AGRN: variants seen among roughly 807,000 people sequenced by gnomAD.
The protein encoded by AGRN is agrin proteoglycan.
Under a neutral mutation model 211.0 loss-of-function variants are expected in AGRN, and 106 were observed. The observed-to-expected ratio is 0.50, with a 90% CI of 0.43 to 0.59. The LOEUF (loss-of-function observed/expected upper bound fraction) is 0.59. Ranked by LOEUF, AGRN falls within the 20% of genes least tolerant of loss-of-function variation. AGRN has a pLI of 0.00. For missense variants in AGRN, 3,040 were observed against 2,982.6 expected (o/e 1.02, Z -0.45); for synonymous variants, 1,525 against 1,332.5 (o/e 1.14, Z -3.15).
intron 32 of AGRN, 39 bp from the exon 33 acceptor site, chr1:1,051,689 G>A: frequency 6.2e-7 from 1 of 1,613,128 alleles, no homozygotes; most frequent in Non-Finnish European, 8.5e-7. Context: ...GATGGGCCCG[G>A]AGCCCACGAG....
At position 1,049,778 on chromosome 1, in the gene AGRN, G is replaced by C. The variant is rs751960529; in HGVS notation, c.4727G>C (p.Cys1576Ser). Residue 1576 changes from cysteine to serine, a missense_variant, in exon 26 of 36, where the codon TGC (cysteine) becomes TCC (serine). Physicochemically the swap from Cys to Ser is moderately radical, Grantham distance 112. This residue lies in a region of AGRN where 1,537 missense variants were observed against 1,505.0 expected (regional missense o/e 1.02). Transcript: ENST00000379370. ...NLEAGRFHCQ[C>S]PPGRVGPTCA... is the part of the protein sequence containing the mutation. ...GAGGCTGGAAGGTTCCATTGCCAGT[G>C]CCCGCCCGGCCGCGTCGGTGAGGGT... 6.3e-7 allele frequency: 1 copy of C among 1,591,200 alleles called. No individual in the cohort carries two copies. Among genetic ancestry groups the C allele is most frequent in the Non-Finnish European group, 8.5e-7 (1 of 1,169,938 alleles).
chr1:1,046,874 G>A lies in AGRN; in HGVS notation c.3305G>A (p.Arg1102Lys). The A allele has an allele frequency of 6.3e-7, 1 of 1,587,466 alleles. No individual in the cohort carries two copies. The highest frequency in any genetic ancestry group is 8.6e-7 in the Non-Finnish European group (1 of 1,168,652). The change falls in exon 19 of 36, where the codon AGG becomes AAG. Residue 1102 changes from arginine (R) to lysine (K), a missense_variant. This residue lies in a region of AGRN where 1,537 missense variants were observed against 1,505.0 expected (regional missense o/e 1.02). Transcript: ENST00000379370. ...GCCACCCCTGGGCCACCTGTCGAGA[G>A]GGCTTCCTGCTACAACTCCGCGTTG... ...SVATPGPPVE[R>K]ASCYNSALGC... is the part of the protein sequence containing the mutation.
At chr1:1,034,867 C>A in intron 2 of AGRN, 1 of 369,472 alleles carries the variant, frequency 2.7e-6, no homozygotes, top group Non-Finnish European at 4.3e-6. Context: ...CGTCCTTGGG[C>A]TCTCAGTGGG....
intron 19 of AGRN, 180 bp from the exon 20 acceptor site, chr1:1,047,147 C>G (rs1224123637): frequency 3.0e-6 from 4 of 1,344,412 alleles, no homozygotes; most frequent in Middle Eastern, 2.7e-4. Context: ...GCACACTGCT[C>G]TGAGGAGTCC....
In AGRN at chr1:1,054,396, G is replaced by A. The variant is rs1570261594; in HGVS notation, c.5877-52G>A. Reference sequence around the variant, plus strand: ...AGGATGCAGGGCTTATGGTCTAGAGGAGGCAGAGGGAACTCTGGGCCCTGA... The same window carrying A: ...AGGATGCAGGGCTTATGGTCTAGAGAAGGCAGAGGGAACTCTGGGCCCTGA... On this transcript the variant is annotated intron_variant, in intron 34 of 35. Transcript: ENST00000379370. The A allele has an allele frequency of 1.2e-5, 17 of 1,466,122 alleles. No homozygotes were observed. The South Asian group carries it at 1.7e-4, about 15-fold the overall frequency. 90.8% of individuals were successfully genotyped at this position (1,466,122 alleles called of 1,614,324 possible). A position where few individuals can be genotyped will look rare whatever the true frequency, so the allele number is the denominator to read the frequency against.
rs1003247336 is a variant in AGRN at position 1,031,231 on chromosome 1, G to GT, written c.464-4045dup. ...GTGTGCAGTGCATGGTGCTGTGAGT[G>GT]TATCAGCATGTCTGTGTGTGTGCAG... On this transcript the variant is annotated intron_variant, in intron 2 of 35. Transcript: ENST00000379370. The surrounding 1 kb of genome is among the most constrained non-coding windows in gnomAD (Gnocchi z 4.8). Among the ~76,000 whole-genome samples the GT allele has an allele frequency of 1.4e-5, 2 of 140,698 alleles. No individual in the cohort carries two copies. Among genetic ancestry groups the GT allele is most frequent in the African/African-American group, 5.3e-5 (2 of 37,528 alleles). 92.3% of individuals were successfully genotyped at this position (140,698 alleles called of 152,430 possible). A position where few individuals can be genotyped will look rare whatever the true frequency, so the allele number is the denominator to read the frequency against.
rs548248313 is a variant in AGRN at position 1,045,659 on chromosome 1, G to A, written c.2537-74G>A. The A allele has an allele frequency of 4.3e-5, 69 of 1,611,132 alleles. No individual in the cohort carries two copies. In the Middle Eastern group the frequency reaches 8.3e-4, roughly 19 times the overall value. ...GGGGGCTGGGCAGAGCCAGGGTTGG[G>A]GACCAGGCTCTGGAGGAGGTGGGGA... On this transcript the variant is annotated intron_variant, in intron 14 of 35. Coordinates refer to ENST00000379370, the MANE Select transcript of AGRN (RefSeq NM_198576.4).
rs763340805 is a variant in AGRN at position 1,053,419 on chromosome 1, C to T, written c.5652-334C>T. The T allele has an allele frequency of 7.2e-6, 10 of 1,384,470 alleles. No individual in the cohort carries two copies. The South Asian group carries it at 1.3e-4, about 18-fold the overall frequency. 85.8% of individuals were successfully genotyped at this position (1,384,470 alleles called of 1,614,324 possible). ...TGAGATGGGTTTGCATTGGCCCCGC[C>T]TGTCCCCTGCTCACCCGCCTCCCTC... On this transcript the variant is annotated intron_variant, in intron 33 of 35. Transcript: ENST00000379370.
chr1:1,020,254 G>T lies in AGRN; in HGVS notation c.82G>T (p.Gly28Cys). The T allele has an allele frequency of 6.9e-7, 1 of 1,458,254 alleles. No individual in the cohort carries two copies. The allele number at this position is 1,458,254 out of a possible 1,614,324, so 90.3% of individuals were successfully genotyped here. A position where few individuals can be genotyped will look rare whatever the true frequency, so the allele number is the denominator to read the frequency against. Residue 28 changes from glycine to cysteine, a missense_variant, in exon 1 of 36, where the codon GGC becomes TGC. By Grantham distance (159) the Gly-to-Cys change is radical. This residue lies in a region of AGRN where 1,498 missense variants were observed against 1,457.8 expected (regional missense o/e 1.03). Transcript: ENST00000379370. ...GGCCGCGTGCGTCCTGCCCGGAGCC[G>T]GCGGGACATGCCCGGAGCGCGCGCT... The part of the protein sequence containing the change: ...VVAACVLPGA[G>C]GTCPERALER...
intron 25 of AGRN, 43 bp downstream of exon 25, chr1:1,049,494 TG>T (rs756971973): frequency 1.2e-4 from 188 of 1,599,538 alleles, no homozygotes; most frequent in Non-Finnish European, 1.5e-4. Flanking sequence ...CCCGGCCCTT[TG>T]GGGTCCCGGT....
rs1464649826 is a variant in AGRN at position 1,048,777 on chromosome 1, AAAAAAAAAAAAAGC to A, written c.4106-88_4106-75del. On this transcript the variant is annotated intron_variant, in intron 23 of 35. Transcript: ENST00000379370. This position sits in a 1 kb window ranked among gnomAD's most constrained non-coding sequence, Gnocchi z 5.9. ...AGCAAAACTCCGTCTCAAAAAAAAA[AAAAAAAAAAAAAGC>A]AGGGGGCGGTTTCAGGGATAAAAGT... is the stretch of plus-strand genomic sequence containing the variant. 7.3e-5 allele frequency: 19 copies of A among 261,378 alleles called. 1 individual carries two copies. Among genetic ancestry groups the A allele is most frequent in the East Asian group, 7.8e-4 (1 of 1,284 alleles). 16.2% of individuals were successfully genotyped at this position (261,378 alleles called of 1,614,324 possible). A position where few individuals can be genotyped will look rare whatever the true frequency, so the allele number is the denominator to read the frequency against.
chr1:1,052,089 C>G (rs940965110), intron 33 of AGRN: 1 of 1,430,388 alleles, frequency 7.0e-7, no homozygotes, highest in Non-Finnish European at 9.4e-7. Context: ...GAGCAGAGTC[C>G]GGAGCCCCCG....
At position 1,048,962 on chromosome 1, in the gene AGRN, C is replaced by A; in HGVS notation, c.4201C>A (p.Arg1401=). The A allele has an allele frequency of 6.4e-7, 1 of 1,571,526 alleles. No individual in the cohort carries two copies. Among genetic ancestry groups the A allele is most frequent in the Admixed American group, 1.8e-5 (1 of 54,662 alleles). ...YHTLRLALEF[R]ALEPQGLLLY... ...CACGCTGCGCCTGGCACTGGAATTC[C>A]GGGCGCTGGAGCCTCAGGGGCTGCT... The change falls in exon 24 of 36, where the codon CGG becomes AGG. Residue 1401 remains arginine, a synonymous_variant. Transcript: ENST00000379370. This position sits in a 1 kb window ranked among gnomAD's most constrained non-coding sequence, Gnocchi z 5.9.
chr1:1,046,029 T>C lies in AGRN; in HGVS notation c.2746T>C (p.Ser916Pro), dbSNP rs759245681. Residue 916 changes from serine (S) to proline (P), a missense_variant, in exon 16 of 36, where the codon TCT becomes CCT. Around this residue, in one of 3 missense-constraint regions of AGRN, gnomAD observed 1,498 missense variants for 1,457.8 expected, o/e 1.03. Transcript: ENST00000379370. Reference sequence around the variant, plus strand: ...GTTCGGTGCGCGGTGCGTGGAGGAGTCTGGCTCAGCCCACTGTGTCTGCCC... The same window carrying C: ...GTTCGGTGCGCGGTGCGTGGAGGAGCCTGGCTCAGCCCACTGTGTCTGCCC... Reference protein sequence around the residue: ...CEFGARCVEESGSAHCVCPML... With the variant: ...CEFGARCVEEPGSAHCVCPML... 6 of 1,613,672 alleles carry C rather than the reference T, an allele frequency of 3.7e-6. No individual in the cohort carries two copies. Among genetic ancestry groups the C allele is most frequent in the Non-Finnish European group, 5.1e-6 (6 of 1,179,934 alleles).
intron 2 of AGRN, among the ~76,000 whole-genome samples, chr1:1,027,428 G>A (rs369199153): frequency 4.6e-5 from 7 of 152,316 alleles, no homozygotes; most frequent in African/African-American, 1.7e-4. Flanking sequence ...GGCCTGTCCA[G>A]GGGGCCTCGG....
chr1:1,049,136 A>G (rs1645195508), intron 24 of AGRN, 77 bp downstream of exon 24: 2 of 454,086 alleles, frequency 4.4e-6, no homozygotes, highest in South Asian at 2.6e-5. Flanking sequence ...GGGCCGGGGC[A>G]GCTCAGGTGG....
At chr1:1,040,515 C>T (rs905222830) in intron 3 of AGRN, 150 bp from the exon 4 acceptor site, 4 of 956,962 alleles carry the variant, frequency 4.2e-6, no homozygotes, top group Admixed American at 2.2e-5. Flanking sequence ...CCTGTGAGCG[C>T]ACGCACGCGT....
rs764476283 is a variant in AGRN, at chr1:1,041,443, G to A, written c.953-35G>A. 1.3e-5 allele frequency: 20 copies of A among 1,560,806 alleles called. No homozygotes were observed. The East Asian group carries it at 2.6e-4, about 20-fold the overall frequency. ...ACGGCTCGAGCTCTGTGGGCGCGCG[G>A]CGACAGCGTCCTGACTCCTGCCCTC... On this transcript the variant is annotated intron_variant, in intron 5 of 35. Transcript: ENST00000379370.
intron 2 of AGRN, among the ~76,000 whole-genome samples, chr1:1,023,420 C>A (rs1644454103): frequency 6.6e-6 from 1 of 152,198 alleles, no homozygotes; most frequent in African/African-American, 2.4e-5. Context: ...GGTCAGTGGT[C>A]CCCAAGCTGC....
Sources: gnomAD v4.1 joint callset for allele counts (sites outside exome capture counted in the v4.1 genomes callset) on GRCh38, gnomAD v4.1.1 for gene constraint, gnomAD v4.1.1 regional missense constraint, Gnocchi (gnomAD v3.1) non-coding constraint, MANE v1.5 for transcripts, NCBI Gene and HGNC (gene_info 2026-07-23, HGNC 2026-07-21) for gene names.